PCDHA4: variants seen among roughly 807,000 people sequenced by gnomAD.
PCDHA4 encodes the protein protocadherin alpha 4, also known as protocadherin alpha-4.
In PCDHA4, 49 loss-of-function variants were observed where a neutral mutation model predicts 61.4. That is an observed-to-expected ratio of 0.80 (90% confidence interval 0.63 to 1.01). PCDHA4 has a LOEUF of 1.01. PCDHA4 is among the 50% of genes least tolerant of loss of function. The pLI is 0.00. For synonymous variants in PCDHA4, 590 were observed against 550.3 expected (o/e 1.07, Z -1.01); for missense variants, 1,254 against 1,235.8 (o/e 1.01, Z -0.22).
rs201902460 is a variant in PCDHA4 at position 140,856,564 on chromosome 5, T to G, written c.2385+46992T>G. 3.5e-5 allele frequency: 56 copies of G among 1,597,706 alleles called. 2 individuals are homozygous for G. The highest frequency in any genetic ancestry group is 8.8e-5 in the South Asian group (8 of 90,522). Reference sequence around the variant, plus strand: ...ACGCATTGCTTACTTACAAACTCAGTCCAAATGAGTATTTTGTTCTTGATA... The same window carrying G: ...ACGCATTGCTTACTTACAAACTCAGGCCAAATGAGTATTTTGTTCTTGATA... On this transcript the variant is annotated intron_variant, in intron 1 of 3. Transcript: ENST00000530339.
In PCDHA4 at chr5:140,809,001, C is replaced by A; in HGVS notation, c.1814C>A (p.Ala605Glu). The A allele has an allele frequency of 6.2e-7, 1 of 1,613,666 alleles. No individual in the cohort carries two copies. Among genetic ancestry groups the A allele is most frequent in the Non-Finnish European group, 8.5e-7 (1 of 1,179,732 alleles). The change falls in exon 1 of 4, where the codon GCG (alanine) becomes GAG (glutamate). Residue 605 changes from alanine (A) to glutamate (E), a missense_variant. By Grantham distance (107) the Ala-to-Glu change is moderately radical (BLOSUM62 -1). Transcript: ENST00000530339. Reference sequence around the variant, plus strand: ...GTGGATGCTGACTCGGGCTACAACGCGTGGCTTTCGTACGAGCTGCAGCCG... The same window carrying A: ...GTGGATGCTGACTCGGGCTACAACGAGTGGCTTTCGTACGAGCTGCAGCCG... Reference protein sequence around the residue: ...RAVDADSGYNAWLSYELQPGT... With the variant: ...RAVDADSGYNEWLSYELQPGT...
In PCDHA4 at chr5:140,929,414, A is replaced by G. The variant is rs1174756115; in HGVS notation, c.2386-49535A>G. The G allele has an allele frequency of 6.6e-6, 10 of 1,504,304 alleles. No individual in the cohort carries two copies. The East Asian group carries it at 1.1e-4, about 17-fold the overall frequency. 93.2% of individuals were successfully genotyped at this position (1,504,304 alleles called of 1,614,324 possible). A position where few individuals can be genotyped will look rare whatever the true frequency, so the allele number is the denominator to read the frequency against. On this transcript the variant is annotated intron_variant, in intron 1 of 3. Transcript: ENST00000530339. ...ATATTTCTTAGACAAGCCTTTCACA[A>G]CATTTCATCAATTGAACTAAACACT...
intron 1 of PCDHA4, chr5:140,883,583 G>T (rs782212784): frequency 2.5e-6 from 4 of 1,613,916 alleles, no homozygotes; most frequent in Non-Finnish European, 3.4e-6. Context: ...GTGGGCCACG[G>T]CCAGCGTGTC....
At chr5:140,962,817 G>C (rs555403742) in intron 1 of PCDHA4, among the ~76,000 whole-genome samples, 1 of 152,202 alleles carries the variant, frequency 6.6e-6, no homozygotes, top group Non-Finnish European at 1.5e-5. Flanking sequence ...CATCAGAGAT[G>C]ACCATTTGTC....
intron 1 of PCDHA4, chr5:140,841,832 A>G: frequency 6.2e-7 from 1 of 1,613,924 alleles, no homozygotes; most frequent in Non-Finnish European, 8.5e-7. Flanking sequence ...GTTAACCTAC[A>G]GGCTTAGCTC....
Position 141,011,490 on chromosome 5 carries a change from A to T in PCDHA4, c.*1553A>T, listed in dbSNP as rs2098420792. On this transcript the variant is annotated 3_prime_UTR_variant, in exon 4 of 4. Transcript: ENST00000530339. ...GTAATTCCATTATATTTCCTTTTGT[A>T]CACCTGTGAAAAAGTGGAGTAGTGT... The T allele has an allele frequency of 1.3e-5, 2 of 153,734 alleles. No homozygotes were observed. The highest frequency in any genetic ancestry group is 2.9e-5 in the Non-Finnish European group (2 of 68,036). 9.5% of individuals were successfully genotyped at this position (153,734 alleles called of 1,614,324 possible). A position where few individuals can be genotyped will look rare whatever the true frequency, so the allele number is the denominator to read the frequency against.
chr5:140,889,400 A>T (rs187751360), intron 1 of PCDHA4, among the ~76,000 whole-genome samples: 1 of 152,050 alleles, frequency 6.6e-6, no homozygotes, highest in Admixed American at 6.5e-5. Context: ...AGTTTAATTT[A>T]CTCGAGTCAG....
At chr5:140,928,337 AT>A (rs549164954) in intron 1 of PCDHA4, 7 of 1,613,944 alleles carry the variant, frequency 4.3e-6, no homozygotes, top group Non-Finnish European at 5.9e-6. Flanking sequence ...CTTGTCTCTT[AT>A]GAGCTGTTGG....
At chr5:140,875,772 G>T (rs781933974) in intron 1 of PCDHA4, 2 of 1,614,136 alleles carry the variant, frequency 1.2e-6, no homozygotes, top group Non-Finnish European at 1.7e-6. Context: ...GGCGGAGCGC[G>T]GAGTGCAGTA....
At chr5:140,933,592 G>T (rs1034374854) in intron 1 of PCDHA4, among the ~76,000 whole-genome samples, 2 of 151,986 alleles carry the variant, frequency 1.3e-5, no homozygotes, top group Non-Finnish European at 2.9e-5. Context: ...TTTTTAGGTT[G>T]ATTTGTCTTT....
chr5:140,823,895 C>A, intron 1 of PCDHA4: 1 of 1,613,974 alleles, frequency 6.2e-7, no homozygotes. Context: ...TGTGCGGTGT[C>A]CAGCCTGCTG....
At chr5:140,892,242 C>A (rs1554185127) in intron 1 of PCDHA4, among the ~76,000 whole-genome samples, 3 of 152,034 alleles carry the variant, frequency 2.0e-5, no homozygotes, top group Non-Finnish European at 4.4e-5. Context: ...TCCACATAAA[C>A]CTGGTTATCT....
chr5:140,898,072 G>T (rs1412097602), intron 1 of PCDHA4, among the ~76,000 whole-genome samples: 1 of 152,012 alleles, frequency 6.6e-6, no homozygotes, highest in Non-Finnish European at 1.5e-5. Flanking sequence ...TGAGTTCATT[G>T]TAGATTCTGG....
At chr5:140,944,028 A>T (rs1341498532) in intron 1 of PCDHA4, among the ~76,000 whole-genome samples, 1 of 152,222 alleles carries the variant, frequency 6.6e-6, no homozygotes, top group African/African-American at 2.4e-5. Context: ...TATCTTCAAA[A>T]TATGGAAAAC....
At chr5:140,847,318 A>G (rs1054415960) in intron 1 of PCDHA4, 1 of 149,914 alleles carries the variant, frequency 6.7e-6, no homozygotes, top group Admixed American at 6.7e-5. Context: ...CAAGGACAGA[A>G]GCAATTGTTA....
At chr5:140,870,634 G>A (rs782716769) in intron 1 of PCDHA4, 49 of 1,612,744 alleles carry the variant, frequency 3.0e-5, no homozygotes, top group Non-Finnish European at 3.9e-5. Context: ...GTCGGTGCAC[G>A]CGGAGAGCGG....
At chr5:140,859,812 C>T (rs1238470034) in intron 1 of PCDHA4, 3 of 152,286 alleles carry the variant, frequency 2.0e-5, no homozygotes, top group African/African-American at 7.3e-5. Flanking sequence ...TAAGTTAATG[C>T]AGAGTTTAGA....
chr5:140,842,574 T>C, intron 1 of PCDHA4: 1 of 1,508,332 alleles, frequency 6.6e-7, no homozygotes, highest in East Asian at 2.3e-5. Context: ...CGCGAGAGAG[T>C]GTCGGCCTAT....
chr5:140,809,648 G>T, intron 1 of PCDHA4, 76 bp downstream of exon 1: 1 of 1,499,082 alleles, frequency 6.7e-7, no homozygotes, highest in Non-Finnish European at 8.9e-7. Flanking sequence ...TTATTTCTAA[G>T]AGTCAAATTT....
Sources: gnomAD v4.1 joint callset for allele counts (sites outside exome capture counted in the v4.1 genomes callset) on GRCh38, gnomAD v4.1.1 for gene constraint, MANE v1.5 for transcripts, NCBI Gene and HGNC (gene_info 2026-07-23, HGNC 2026-07-21) for gene names.